Variants in CNR1 observed in about 807,000 individuals in gnomAD.
The protein encoded by CNR1 is cannabinoid receptor 1 (brain).
CNR1 carries 10 observed loss-of-function variants against 23.0 expected under a neutral mutation model. That is an observed-to-expected ratio of 0.43 (90% confidence interval 0.27 to 0.74). CNR1 has a LOEUF of 0.74. Ranked by LOEUF, CNR1 falls within the 30% of genes least tolerant of loss-of-function variation. The pLI is 0.19. For synonymous variants in CNR1, 271 were observed against 255.2 expected (o/e 1.06, Z -0.59); for missense variants, 422 against 618.8 (o/e 0.68, Z 3.37).
chr6:88,159,585 C>T (rs1043509208), intron 1 of CNR1, among the ~76,000 whole-genome samples: 1 of 152,172 alleles, frequency 6.6e-6, no homozygotes, highest in African/African-American at 2.4e-5. Context: ...AAAGATTTCT[C>T]CTTTTTTGTT....
rs1245725620 is a variant in CNR1 at position 88,145,106 on chromosome 6, G to C, written c.169C>G (p.Pro57Ala). The C allele has an allele frequency of 6.2e-7, 1 of 1,614,030 alleles. No individual in the cohort carries two copies. Among genetic ancestry groups the C allele is most frequent in the Non-Finnish European group, 8.5e-7 (1 of 1,180,034 alleles). ...KFPLTSFRGS[P>A]FQEKMTAGDN... ...CCCGCAGTCATCTTCTCTTGGAAGG[G>C]ACTTCCCCTAAAGGAAGTTAAAGGG... The change falls in exon 2 of 2, where the codon CCC becomes GCC. Residue 57 changes from proline (P) to alanine (A), a missense_variant. This residue lies in a region of CNR1 where 120 missense variants were observed against 117.6 expected (regional missense o/e 1.02). Transcript: ENST00000369501.
In CNR1 at chr6:88,144,530, C is replaced by T. The variant is rs146828007; in HGVS notation, c.745G>A (p.Val249Met). 9.3e-6 allele frequency: 15 copies of T among 1,614,072 alleles called. No homozygotes were observed. The African/African-American group carries it at 1.2e-4, about 13-fold the overall frequency. Reference sequence around the variant, plus strand: ...CAGTTCCAGCCCAGGAGAGGCAGCACGGCGATCACAATGGCTATGGTCCAC... The same window carrying T: ...CAGTTCCAGCCCAGGAGAGGCAGCATGGCGATCACAATGGCTATGGTCCAC... ...LMWTIAIVIA[V>M]LPLLGWNCEK... is the part of the protein sequence containing the mutation. The change falls in exon 2 of 2, where the codon GTG becomes ATG. Residue 249 changes from valine (V) to methionine (M), a missense_variant. By Grantham distance (21) the Val-to-Met change is conservative. Transcript: ENST00000369501. The surrounding 1 kb of genome is among the most constrained non-coding windows in gnomAD (Gnocchi z 7.8).
chr6:88,155,294 A>T (rs1255185694), intron 1 of CNR1, among the ~76,000 whole-genome samples: 2 of 152,260 alleles, frequency 1.3e-5, no homozygotes, highest in Non-Finnish European at 2.9e-5. Flanking sequence ...TGCACAATAG[A>T]GAAAATCCTA....
At chr6:88,160,431 TTTTC>T (rs1404398220) in intron 1 of CNR1, among the ~76,000 whole-genome samples, 8 of 150,894 alleles carry the variant, frequency 5.3e-5, no homozygotes, top group Non-Finnish European at 7.4e-5. Context: ...ATTTTTTTTC[TTTTC>T]TTTTTTTTTT....
At chr6:88,164,886 A>T (rs1778291364) in intron 1 of CNR1, among the ~76,000 whole-genome samples, 1 of 152,230 alleles carries the variant, frequency 6.6e-6, no homozygotes, top group Non-Finnish European at 1.5e-5. Flanking sequence ...ATATCTTTCA[A>T]CACCTTTAAA....
At chr6:88,167,045 C>G (rs1228179603), upstream of CNR1, among the ~76,000 whole-genome samples, 9 of 151,862 alleles carry the variant, frequency 5.9e-5, no homozygotes, top group Non-Finnish European at 1.3e-4. Context: ...CTCCAGCGCC[C>G]GCCGCCCTTT....
chr6:88,142,343 A>G lies in CNR1; in HGVS notation c.*1513T>C, dbSNP rs1255816492. On this transcript the variant is annotated 3_prime_UTR_variant, in exon 2 of 2. Transcript: ENST00000369501. ...CTTTAACGTGATGTATATAGTGCAT[A>G]CTATCTACACACGCTATTGAAAAAT... is the stretch of plus-strand genomic sequence containing the variant. 6.6e-6 allele frequency: 1 copy of G among 152,236 alleles called. No individual in the cohort carries two copies. 9.4% of individuals were successfully genotyped at this position (152,236 alleles called of 1,614,324 possible). A position where few individuals can be genotyped will look rare whatever the true frequency, so the allele number is the denominator to read the frequency against.
intron 1 of CNR1, chr6:88,147,599 T>C (rs1777276404): frequency 6.6e-6 from 1 of 152,242 alleles, no homozygotes; most frequent in African/African-American, 2.4e-5. Flanking sequence ...AGGCATAAAG[T>C]GTTAAATGTG....
chr6:88,164,198 C>A (rs991613642), intron 1 of CNR1: 25 of 152,320 alleles, frequency 1.6e-4, no homozygotes, highest in African/African-American at 6.0e-4. Context: ...CATCATTGTA[C>A]CCCCATGGAC....
At chr6:88,152,569 T>A (rs1369364176) in intron 1 of CNR1, among the ~76,000 whole-genome samples, 2 of 152,218 alleles carry the variant, frequency 1.3e-5, no homozygotes, top group East Asian at 3.8e-4. Flanking sequence ...GGTGTGGTTA[T>A]ATGATAACAG....
chr6:88,152,598 T>C (rs1230555116), intron 1 of CNR1, among the ~76,000 whole-genome samples: 1 of 152,210 alleles, frequency 6.6e-6, no homozygotes, highest in Non-Finnish European at 1.5e-5. Context: ...CTGTCCAATA[T>C]AAGCCAATTG....
rs1778355457 is a variant in CNR1 at position 88,166,031 on chromosome 6, G to GGGAGGC, written c.-298_-293dup. On this transcript the variant is annotated 5_prime_UTR_variant, in exon 1 of 2. Transcript: ENST00000369501. ...AGGGGTGGCAGAGGGAGTAGCGTGCGGGAGGCGGCGCCGGCGCCGGGCTGC... is the reference window on the plus strand; with the variant it reads ...AGGGGTGGCAGAGGGAGTAGCGTGCGGGAGGCGGAGGCGGCGCCGGCGCCGGGCTGC... 2 of 152,882 alleles carry GGGAGGC rather than the reference G, an allele frequency of 1.3e-5. No individual in the cohort carries two copies. Among genetic ancestry groups the GGGAGGC allele is most frequent in the East Asian group, 1.9e-4 (1 of 5,210 alleles). The allele number at this position is 152,882 out of a possible 1,614,324, so 9.5% of individuals were successfully genotyped here.
chr6:88,152,032 G>A (rs1335705404), intron 1 of CNR1, among the ~76,000 whole-genome samples: 2 of 151,984 alleles, frequency 1.3e-5, no homozygotes, highest in East Asian at 3.8e-4. Flanking sequence ...TTTATGTGAC[G>A]ATTTCAGAAT....
intron 1 of CNR1, among the ~76,000 whole-genome samples, chr6:88,161,384 C>G (rs886123449): frequency 1.3e-5 from 2 of 152,092 alleles, no homozygotes; most frequent in Non-Finnish European, 2.9e-5. Context: ...CTATGAACCT[C>G]GAGAATTCCA....
chr6:88,155,107 A>G (rs964519601), intron 1 of CNR1, among the ~76,000 whole-genome samples: 1 of 152,252 alleles, frequency 6.6e-6, no homozygotes, highest in Non-Finnish European at 1.5e-5. Flanking sequence ...GTCCATAGCA[A>G]CAGTGAAAAG....
chr6:88,140,751 T>C lies in CNR1; in HGVS notation c.*3105A>G, dbSNP rs1776764736. On this transcript the variant is annotated 3_prime_UTR_variant, in exon 2 of 2. Coordinates refer to ENST00000369501, the MANE Select transcript of CNR1 (RefSeq NM_016083.6). ...TTGGGCCTATTTCCTGCAGAGTGGA[T>C]TTAGGCAGCAAAAGGTCCTTGGCAT... 6.6e-6 allele frequency: 1 copy of C among 152,280 alleles called. No homozygotes were observed. Among genetic ancestry groups the C allele is most frequent in the Admixed American group, 6.5e-5 (1 of 15,278 alleles). 9.4% of individuals were successfully genotyped at this position (152,280 alleles called of 1,614,324 possible).
In CNR1 at chr6:88,144,764, C is replaced by A. The variant is rs1777058383; in HGVS notation, c.511G>T (p.Val171Phe). The stretch of plus-strand genomic sequence containing the variant: ...ACGTGGAAGTCAATGAAGCTGTAGA[C>A]AAAAATGACACTCCCCAGGAGGTCT... ...VADLLGSVIF[V>F]YSFIDFHVFH... Residue 171 changes from valine to phenylalanine, a missense_variant, in exon 2 of 2, where the codon GTC (valine) becomes TTC (phenylalanine). Physicochemically the swap from Val to Phe is conservative, Grantham distance 50 (BLOSUM62 -1). Coordinates refer to ENST00000369501, the MANE Select transcript of CNR1 (RefSeq NM_016083.6). The surrounding 1 kb of genome is among the most constrained non-coding windows in gnomAD (Gnocchi z 7.8). 1 of 1,614,152 alleles carries A rather than the reference C, an allele frequency of 6.2e-7. No homozygotes were observed.
In CNR1 at chr6:88,140,008, A is replaced by C. The variant is rs1042631946; in HGVS notation, c.*3848T>G. 6.6e-6 allele frequency: 1 copy of C among 152,630 alleles called. No homozygotes were observed. The highest frequency in any genetic ancestry group is 2.4e-5 in the African/African-American group (1 of 41,448). The allele number at this position is 152,630 out of a possible 1,614,324, so 9.5% of individuals were successfully genotyped here. On this transcript the variant is annotated 3_prime_UTR_variant, in exon 2 of 2. Coordinates refer to ENST00000369501, the MANE Select transcript of CNR1 (RefSeq NM_016083.6). ...TATACTGTGGGCTTAATACATTGTAAATATTACAGAAGAAGTACTACTTTG... is the reference window on the plus strand; with the variant it reads ...TATACTGTGGGCTTAATACATTGTACATATTACAGAAGAAGTACTACTTTG...
upstream of CNR1, among the ~76,000 whole-genome samples, chr6:88,166,865 C>T (rs1480549136): frequency 1.3e-5 from 2 of 151,984 alleles, no homozygotes; most frequent in Non-Finnish European, 2.9e-5. Flanking sequence ...GCGCCCCCTC[C>T]CTCCGCGCAA....
Sources: gnomAD v4.1 joint callset for allele counts (sites outside exome capture counted in the v4.1 genomes callset) on GRCh38, gnomAD v4.1.1 for gene constraint, gnomAD v4.1.1 regional missense constraint, Gnocchi (gnomAD v3.1) non-coding constraint, MANE v1.5 for transcripts, NCBI Gene and HGNC (gene_info 2026-07-23, HGNC 2026-07-21) for gene names.